PRKCA: variants seen among roughly 807,000 people sequenced by gnomAD.
PRKCA encodes the protein protein kinase C alpha, also known as protein kinase C alpha type.
A neutral mutation model predicts 87.0 loss-of-function variants in PRKCA; 27 were observed. That is an observed-to-expected ratio of 0.31 (90% confidence interval 0.23 to 0.43). The LOEUF is 0.43. Among genes scored for constraint, PRKCA ranks in the 20% least tolerant of loss-of-function variants. The probability of loss-of-function intolerance (pLI) is 1.00; values close to 1 mark genes in which losing one functional copy is unlikely to be tolerated. For missense variants in PRKCA, 518 were observed against 852.3 expected (o/e 0.61, Z 4.88); for synonymous variants, 329 against 311.1 (o/e 1.06, Z -0.61).
intron 2 of PRKCA, among the ~76,000 whole-genome samples, chr17:66,399,496 A>G (rs565337237): frequency 1.6e-4 from 24 of 152,284 alleles, no homozygotes; most frequent in African/African-American, 5.8e-4. Context: ...TACAATCTTA[A>G]CCACTTGCAA....
At chr17:66,485,367 A>G (rs1391593836) in intron 2 of PRKCA, among the ~76,000 whole-genome samples, 1 of 152,180 alleles carries the variant, frequency 6.6e-6, no homozygotes, top group African/African-American at 2.4e-5. Context: ...TTTCTCTCAC[A>G]TTTAGATCCC....
chr17:66,631,250 T>C (rs191427135), intron 3 of PRKCA, among the ~76,000 whole-genome samples: 30 of 152,336 alleles, frequency 2.0e-4, no homozygotes, highest in African/African-American at 7.2e-4. Flanking sequence ...AGTCTTCACA[T>C]GGTGGGCACA....
intron 3 of PRKCA, among the ~76,000 whole-genome samples, chr17:66,560,659 T>C (rs1968650342): frequency 6.6e-6 from 1 of 152,186 alleles, no homozygotes; most frequent in African/African-American, 2.4e-5. Flanking sequence ...CCAAACACTT[T>C]GTAAGCCCTA....
chr17:66,553,251 G>A (rs1218744206), intron 3 of PRKCA, among the ~76,000 whole-genome samples: 1 of 151,986 alleles, frequency 6.6e-6, no homozygotes, highest in East Asian at 1.9e-4. Context: ...CAAAGTTCTG[G>A]GATTATAGCG....
At chr17:66,782,120 G>T (rs971749778) in intron 14 of PRKCA, among the ~76,000 whole-genome samples, 3 of 151,886 alleles carry the variant, frequency 2.0e-5, no homozygotes, top group African/African-American at 4.8e-5. Flanking sequence ...CACCATGTTG[G>T]CCAGGCTGGT....
At chr17:66,367,366 G>A (rs1908798439) in intron 2 of PRKCA, among the ~76,000 whole-genome samples, 1 of 152,198 alleles carries the variant, frequency 6.6e-6, no homozygotes, top group African/African-American at 2.4e-5. Context: ...AGAGCTGGGA[G>A]GACAGGTGAA....
rs60665584 is a variant in PRKCA at position 66,804,917 on chromosome 17, C to CCA, written c.*888_*889dup. The CCA allele has an allele frequency of 0.015, 12,925 of 879,514 alleles. 1,299 individuals carry two copies. The African/African-American group carries it at 0.22, about 15-fold the overall frequency. The allele number at this position is 879,514 out of a possible 1,614,324, so 54.5% of individuals were successfully genotyped here. ...CAGTGTTGTTCACCAACACCCACCCCCACACACACCAACATTTTGCTGCCT... is the reference window on the plus strand; with the variant it reads ...CAGTGTTGTTCACCAACACCCACCCCCACACACACACCAACATTTTGCTGCCT... On this transcript the variant is annotated 3_prime_UTR_variant, in exon 17 of 17. Coordinates refer to ENST00000413366, the MANE Select transcript of PRKCA (RefSeq NM_002737.3).
Position 66,687,247 on chromosome 17 carries a change from G to T in PRKCA, c.666G>T (p.Gln222His), listed in dbSNP as rs753286297. ...CCATCCGCTCCACACTAAATCCGCA[G>T]TGGAATGAGTCCTTTACATTGTAAG... ...TKTIRSTLNP[Q>H]WNESFTFKLK... Residue 222 changes from glutamine to histidine, a missense_variant, in exon 6 of 17, where the codon CAG becomes CAT. This residue lies in a region of PRKCA where 300 missense variants were observed against 496.8 expected (regional missense o/e 0.60). Coordinates refer to ENST00000413366, the MANE Select transcript of PRKCA (RefSeq NM_002737.3). 6.2e-7 allele frequency: 1 copy of T among 1,614,092 alleles called. No homozygotes were observed. Among genetic ancestry groups the T allele is most frequent in the Non-Finnish European group, 8.5e-7 (1 of 1,179,976 alleles).
intron 2 of PRKCA, among the ~76,000 whole-genome samples, chr17:66,492,502 G>GGTTTTTTTTAAAA (rs1916289912): frequency 6.6e-6 from 1 of 152,126 alleles, no homozygotes; most frequent in South Asian, 2.1e-4. Flanking sequence ...ATGTGGAGAT[G>GGTTTTTTTTAAAA]GTTTTTTTTA....
intron 3 of PRKCA, among the ~76,000 whole-genome samples, chr17:66,513,027 A>G (rs1051712842): frequency 6.6e-6 from 1 of 152,152 alleles, no homozygotes; most frequent in African/African-American, 2.4e-5. Flanking sequence ...ATGCACTTCA[A>G]ACCCCCTGTC....
At chr17:66,554,034 C>A (rs1053095626) in intron 3 of PRKCA, among the ~76,000 whole-genome samples, 1 of 151,992 alleles carries the variant, frequency 6.6e-6, no homozygotes, top group Non-Finnish European at 1.5e-5. Flanking sequence ...AAGTACAAGA[C>A]CTGTAAGTGA....
At chr17:66,511,543 C>T (rs932971188) in intron 3 of PRKCA, among the ~76,000 whole-genome samples, 10 of 151,984 alleles carry the variant, frequency 6.6e-5, no homozygotes, top group East Asian at 1.9e-4. Flanking sequence ...TAAAACTAGA[C>T]GGGGAAGAAA....
At chr17:66,757,076 G>A (rs1974565034) in intron 13 of PRKCA, among the ~76,000 whole-genome samples, 1 of 152,210 alleles carries the variant, frequency 6.6e-6, no homozygotes, top group Non-Finnish European at 1.5e-5. Flanking sequence ...TTCCAAGAAA[G>A]AAAAGATGCT....
Position 66,805,047 on chromosome 17 carries a change from A to G in PRKCA, c.*1010A>G. On this transcript the variant is annotated 3_prime_UTR_variant, in exon 17 of 17. Coordinates refer to ENST00000413366, the MANE Select transcript of PRKCA (RefSeq NM_002737.3). ...GCTTATGAAAGTACGATGTACAGTAACTTAATGGAAGTGCTGACTCTAGCA... is the reference window on the plus strand; with the variant it reads ...GCTTATGAAAGTACGATGTACAGTAGCTTAATGGAAGTGCTGACTCTAGCA... The G allele has an allele frequency of 1.0e-6, 1 of 983,078 alleles. No homozygotes were observed. Among genetic ancestry groups the G allele is most frequent in the Non-Finnish European group, 1.2e-6 (1 of 827,748 alleles). The allele number at this position is 983,078 out of a possible 1,614,324, so 60.9% of individuals were successfully genotyped here.
At position 66,804,073 on chromosome 17, in the gene PRKCA, C is replaced by T. The variant is rs770017504; in HGVS notation, c.*36C>T. On this transcript the variant is annotated 3_prime_UTR_variant, in exon 17 of 17. Coordinates refer to ENST00000413366, the MANE Select transcript of PRKCA (RefSeq NM_002737.3). ...CGAGAACAAACACCTCCCCAGCCCCCAGCCCTCCCCGCAGTGGGAAGTGAA... is the reference window on the plus strand; with the variant it reads ...CGAGAACAAACACCTCCCCAGCCCCTAGCCCTCCCCGCAGTGGGAAGTGAA... 3.8e-6 allele frequency: 6 copies of T among 1,583,706 alleles called. No individual in the cohort carries two copies. The highest frequency in any genetic ancestry group is 1.9e-4 in the Middle Eastern group (1 of 5,398).
chr17:66,576,601 G>C lies in PRKCA; in HGVS notation c.289-64754G>C, dbSNP rs571203770. ...TGAAATTTCATTTCTGCTGTTCGCA[G>C]GACAAGAGAAATTTGATACCCATGT... On this transcript the variant is annotated intron_variant, in intron 3 of 16. Coordinates refer to ENST00000413366, the MANE Select transcript of PRKCA (RefSeq NM_002737.3). Among the ~76,000 whole-genome samples the C allele has an allele frequency of 1.8e-4, 27 of 152,336 alleles. No individual in the cohort carries two copies. In the South Asian group the frequency reaches 5.4e-3, roughly 30 times the overall value.
intron 1 of PRKCA, among the ~76,000 whole-genome samples, chr17:66,305,521 A>G (rs970627844): frequency 6.6e-6 from 1 of 152,260 alleles, no homozygotes; most frequent in Non-Finnish European, 1.5e-5. Context: ...ATTGGTTCTC[A>G]GTAGAAATTA....
rs565584291 is a variant in PRKCA at position 66,685,228 on chromosome 17, T to A, written c.530-1883T>A. ...TTTTATAAACATTATTTTATTTGAT[T>A]CTCCCAACAATTCTATACCACTGGA... On this transcript the variant is annotated intron_variant, in intron 5 of 16. Transcript: ENST00000413366. 5.9e-5 allele frequency among the ~76,000 whole-genome samples: 9 copies of A among 152,276 alleles called. No individual in the cohort carries two copies. The East Asian group carries it at 1.4e-3, about 23-fold the overall frequency.
chr17:66,462,641 A>G (rs1346369358), intron 2 of PRKCA, among the ~76,000 whole-genome samples: 1 of 152,142 alleles, frequency 6.6e-6, no homozygotes, highest in Non-Finnish European at 1.5e-5. Flanking sequence ...ATTTTAGGAT[A>G]CTTTTTTGTA....
Sources: allele counts gnomAD v4.1 joint callset (sites outside exome capture counted in the v4.1 genomes callset), GRCh38; gene constraint gnomAD v4.1.1; regional missense constraint gnomAD v4.1.1; transcripts MANE v1.5; gene names NCBI Gene and HGNC (gene_info 2026-07-23, HGNC 2026-07-21).